Variants in KIR2DL4 observed in about 807,000 individuals in gnomAD.
KIR2DL4 encodes killer cell immunoglobulin-like receptor 2DL4.
Under a neutral mutation model 31.0 loss-of-function variants are expected in KIR2DL4, and 41 were observed. The observed-to-expected ratio is 1.32, with a 90% CI of 1.03 to 1.72. The LOEUF (loss-of-function observed/expected upper bound fraction) is 1.72. Ranked by LOEUF, KIR2DL4 falls within the 40% of genes most tolerant of loss-of-function variation. The pLI is 0.00. For missense variants in KIR2DL4, 438 were observed against 353.7 expected (o/e 1.24, Z -1.91); for synonymous variants, 164 against 133.6 (o/e 1.23, Z -1.57).
chr19:54,809,034 A>T (rs1229652512), intron 5 of KIR2DL4, 151 bp downstream of exon 5: 1 of 751,392 alleles, frequency 1.3e-6, no homozygotes, highest in African/African-American at 1.8e-5. Context: ...AGCGAAAGGG[A>T]TCTGGGCCCA....
Position 54,804,989 on chromosome 19 carries a change from C to G in KIR2DL4, c.273C>G (p.His91Gln), listed in dbSNP as rs763756662. 1.9e-6 allele frequency: 3 copies of G among 1,611,684 alleles called. No individual in the cohort carries two copies. The highest frequency in any genetic ancestry group is 1.7e-6 in the Non-Finnish European group (2 of 1,179,390). ...TCATTAGCCCTGTGACCCCAGCACA[C>G]GCAGGGACCTACAGATGTCGAGGTT... The change falls in exon 3 of 8, where the codon CAC becomes CAG. Residue 91 changes from histidine to glutamine, a missense_variant. His to Gln is a conservative substitution (Grantham distance 24). Transcript: ENST00000359085.
In KIR2DL4 at chr19:54,805,217, T is replaced by C. The variant is rs1009785226; in HGVS notation, c.361+140T>C. 6.2e-6 allele frequency: 5 copies of C among 806,594 alleles called. No individual in the cohort carries two copies. The Admixed American group carries it at 1.3e-4, about 20-fold the overall frequency. 50.0% of individuals were successfully genotyped at this position (806,594 alleles called of 1,614,324 possible). ...GGGGGATTGAATACAGGGGAATGGGTGCTGTGTTGGAAAGAATAACTGTCC... is the reference window on the plus strand; with the variant it reads ...GGGGGATTGAATACAGGGGAATGGGCGCTGTGTTGGAAAGAATAACTGTCC... On this transcript the variant is annotated intron_variant, in intron 3 of 7. Coordinates refer to ENST00000359085, the Ensembl canonical transcript of KIR2DL4.
intron 5 of KIR2DL4, chr19:54,813,072 A>G: frequency 7.6e-7 from 1 of 1,314,938 alleles, no homozygotes; most frequent in Non-Finnish European, 1.1e-6. Flanking sequence ...GAGACAATCC[A>G]CAAAGAGGAA....
chr19:54,806,062 C>A, exon 4 of KIR2DL4: 1 of 1,611,930 alleles, frequency 6.2e-7, no homozygotes, highest in South Asian at 1.1e-5. Flanking sequence ...TACCATCTAT[C>A]CAGGGAGGGG....
At chr19:54,806,570 C>T (rs952323992) in intron 4 of KIR2DL4, among the ~76,000 whole-genome samples, 9 of 150,960 alleles carry the variant, frequency 6.0e-5, no homozygotes, top group African/African-American at 2.2e-4. Context: ...AGAAGCCCAC[C>T]CTGGCCTCTC....
chr19:54,806,242 C>A, exon 4 of KIR2DL4: 2 of 1,609,416 alleles, frequency 1.2e-6, no homozygotes, highest in Non-Finnish European at 1.7e-6. Flanking sequence ...GTTTCTGTCA[C>A]AGGTGAGGAA....
Position 54,804,523 on chromosome 19 carries a change from C to T in KIR2DL4, c.77-270C>T, listed in dbSNP as rs370805196. Among the ~76,000 whole-genome samples, 21 of 150,980 alleles carry T rather than the reference C, an allele frequency of 1.4e-4. No individual in the cohort carries two copies. The East Asian group carries it at 3.5e-3, about 25-fold the overall frequency. ...CATTCACAAAGGTCATACCCTCCAC[C>T]CCATGTCTACTTTGTGTTCTTTGGT... On this transcript the variant is annotated intron_variant, in intron 2 of 7. Transcript: ENST00000359085.
At chr19:54,803,687 T>C in exon 1 of KIR2DL4, 1 of 1,612,072 alleles carries the variant, frequency 6.2e-7, no homozygotes, top group Non-Finnish European at 8.5e-7. Flanking sequence ...TCCTGGCATG[T>C]CTTGGTGAGT....
chr19:54,808,721 A>C, intron 4 of KIR2DL4, 112 bp from the exon 5 acceptor site: 7 of 831,632 alleles, frequency 8.4e-6, no homozygotes, highest in South Asian at 1.4e-5. Context: ...CAGGACTCCC[A>C]GGGCCCAACA....
intron 7 of KIR2DL4, 49 bp downstream of exon 6, chr19:54,813,791 G>C: frequency 3.7e-6 from 6 of 1,611,710 alleles, no homozygotes; most frequent in Non-Finnish European, 5.1e-6. Flanking sequence ...TTCCGAAATA[G>C]TCCTGAAAAA....
At chr19:54,813,980 A>G (rs1245618872) in exon 8 of KIR2DL4, 52 of 1,612,404 alleles carry the variant, frequency 3.2e-5, no homozygotes, top group Middle Eastern at 3.3e-4. Context: ...AGAACTTCCA[A>G]ATGCTGAGCC....
chr19:54,808,570 T>C (rs1370635852), intron 4 of KIR2DL4, among the ~76,000 whole-genome samples: 1 of 150,280 alleles, frequency 6.7e-6, no homozygotes, highest in Non-Finnish European at 1.5e-5. Flanking sequence ...CTTTTCTTTA[T>C]GCCAATGTCA....
intron 5 of KIR2DL4, among the ~76,000 whole-genome samples, chr19:54,810,638 G>T (rs1314547704): frequency 1.2e-4 from 18 of 151,378 alleles, no homozygotes; most frequent in Non-Finnish European, 2.5e-4. Flanking sequence ...CTGAAATGCT[G>T]GGAATGACAT....
rs745323140 is a variant in KIR2DL4 at position 54,813,239 on chromosome 19, C to T, written c.810+11C>T. 4.9e-5 allele frequency: 78 copies of T among 1,591,076 alleles called. 3 individuals are homozygous for T. Among genetic ancestry groups the T allele is most frequent in the South Asian group, 4.4e-4 (39 of 88,532 alleles). ...TGCTCCAAAAAAAAAGTAAGCCTCACGAAGCAGAGGCCAGAGAACTCAGGG... is the reference window on the plus strand; with the variant it reads ...TGCTCCAAAAAAAAAGTAAGCCTCATGAAGCAGAGGCCAGAGAACTCAGGG... On this transcript the variant is annotated intron_variant, in intron 6 of 7. Coordinates refer to ENST00000359085, the Ensembl canonical transcript of KIR2DL4.
chr19:54,810,675 G>A (rs1291543080), intron 5 of KIR2DL4, among the ~76,000 whole-genome samples: 1 of 151,334 alleles, frequency 6.6e-6, no homozygotes, highest in African/African-American at 2.4e-5. Context: ...CGACTGTGGA[G>A]AGACAGAGAG....
chr19:54,803,705 G>A lies in KIR2DL4; in HGVS notation c.40+14G>A. 2 of 1,610,732 alleles carry A rather than the reference G, an allele frequency of 1.2e-6. No individual in the cohort carries two copies. The highest frequency in any genetic ancestry group is 1.3e-5 in the African/African-American group (1 of 74,346). On this transcript the variant is annotated intron_variant, in intron 1 of 7. Transcript: ENST00000359085. ...TGGCATGTCTTGGTGAGTCCTGGAA[G>A]GGAAGGAGCACCAGGGTTACACTAT...
chr19:54,805,569 C>A (rs1370264793), intron 3 of KIR2DL4, among the ~76,000 whole-genome samples: 2 of 151,314 alleles, frequency 1.3e-5, no homozygotes, highest in Non-Finnish European at 2.9e-5. Context: ...CCTGCAGATG[C>A]CTTGATTGTA....
chr19:54,813,400 A>T (rs1453486348), intron 6 of KIR2DL4: 8 of 962,656 alleles, frequency 8.3e-6, no homozygotes, highest in Non-Finnish European at 1.2e-5. Flanking sequence ...TTCAGCTCAC[A>T]GACCGTTGCC....
Position 54,805,938 on chromosome 19 carries a change from C to T in KIR2DL4, c.362-13C>T, listed in dbSNP as rs751237018. On this transcript the variant is annotated splice_polypyrimidine_tract_variant and intron_variant, in intron 3 of 7. Coordinates refer to ENST00000359085, the Ensembl canonical transcript of KIR2DL4. ...AAGAACCTCCCTGAGGAAACTGCCT[C>T]TTCTCCTTCCAGGTCTATATGAGAA... The T allele has an allele frequency of 1.3e-6, 2 of 1,591,648 alleles. No homozygotes were observed. Among genetic ancestry groups the T allele is most frequent in the Non-Finnish European group, 8.5e-7 (1 of 1,171,478 alleles).
Sources: gnomAD v4.1 joint callset for allele counts (sites outside exome capture counted in the v4.1 genomes callset) on GRCh38, gnomAD v4.1.1 for gene constraint, MANE v1.5 for transcripts, NCBI Gene and HGNC (gene_info 2026-07-23, HGNC 2026-07-21) for gene names.